TACC1: variants seen among roughly 807,000 people sequenced by gnomAD.
TACC1 encodes the protein transforming acidic coiled-coil containing protein 1.
TACC1 carries 48 observed loss-of-function variants against 84.4 expected under a neutral mutation model. That is an observed-to-expected ratio of 0.57 (90% CI 0.45 to 0.72). The LOEUF is 0.72. Among genes scored for constraint, TACC1 ranks in the 30% least tolerant of loss-of-function variants. The probability of loss-of-function intolerance (pLI) is 0.00; values close to 1 mark genes in which losing one functional copy is unlikely to be tolerated. For missense variants in TACC1, 920 were observed against 973.0 expected (o/e 0.95, Z 0.72); for synonymous variants, 372 against 376.3 (o/e 0.99, Z 0.13).
chr8:38,758,238 C>A (rs1459096804), intron 3 of TACC1, among the ~76,000 whole-genome samples: 1 of 152,108 alleles, frequency 6.6e-6, no homozygotes, highest in Admixed American at 6.6e-5. Flanking sequence ...TACACTTAAC[C>A]ATCACAAAAG....
intron 2 of TACC1, among the ~76,000 whole-genome samples, chr8:38,806,398 C>G (rs990926617): frequency 6.6e-6 from 1 of 151,922 alleles, no homozygotes; most frequent in Non-Finnish European, 1.5e-5. Flanking sequence ...GAAGATAGCT[C>G]TAGAATTAAT....
rs145343515 is a variant in TACC1, at chr8:38,779,466, G to A, written c.27-9238G>A. Among the ~76,000 whole-genome samples, 127 of 152,304 alleles carry A rather than the reference G, an allele frequency of 8.3e-4. 1 individual carries two copies. The highest frequency in any genetic ancestry group is 2.8e-3 in the African/African-American group (118 of 41,568). On this transcript the variant is annotated intron_variant, in intron 3 of 14. Coordinates refer to the TACC1 transcript ENST00000518415. ...GTGAGCACTGCTAGGCCTGCTCTCC[G>A]CCCTTTTCCACCCTCCGGGTGTCTT...
At chr8:38,757,243 C>CAACAA in intron 3 of TACC1, 1 of 616,454 alleles carries the variant, frequency 1.6e-6, no homozygotes, top group Non-Finnish European at 2.2e-6. Context: ...CACCCTTCCT[C>CAACAA]CCGCCCCACC....
intron 6 of TACC1, among the ~76,000 whole-genome samples, chr8:38,834,336 C>G (rs1829819374): frequency 6.6e-6 from 1 of 152,200 alleles, no homozygotes. Flanking sequence ...ACATGGAAGT[C>G]AGAGTTTGTT....
chr8:38,794,620 CAG>C (rs1819555555), intron 2 of TACC1, among the ~76,000 whole-genome samples: 1 of 152,036 alleles, frequency 6.6e-6, no homozygotes. Flanking sequence ...TTGTTAAAAT[CAG>C]AGGCTTTGAT....
chr8:38,836,856 G>A (rs570660291), intron 7 of TACC1, among the ~76,000 whole-genome samples: 1 of 152,234 alleles, frequency 6.6e-6, no homozygotes, highest in South Asian at 2.1e-4. Flanking sequence ...GCTGTATTTT[G>A]TGTGTTTGTT....
intron 8 of TACC1, 33 bp from the exon 9 acceptor site, chr8:38,840,191 C>A (rs536107465): frequency 3.2e-5 from 49 of 1,554,766 alleles, no homozygotes; most frequent in Middle Eastern, 3.4e-4. Flanking sequence ...TGAAAATCCT[C>A]CTCTGGTAAT....
At chr8:38,843,895 T>C (rs1011086101) in intron 11 of TACC1, among the ~76,000 whole-genome samples, 1 of 152,174 alleles carries the variant, frequency 6.6e-6, no homozygotes, top group East Asian at 1.9e-4. Flanking sequence ...TAGGTGATCG[T>C]TTTGCATGCC....
exon 3 of TACC1, chr8:38,745,309 G>A: frequency 5.7e-6 from 3 of 526,880 alleles, no homozygotes; most frequent in South Asian, 5.2e-5. Flanking sequence ...CAAAACAAAG[G>A]AAAAACAACA....
intron 3 of TACC1, 95 bp from the exon 4 acceptor site, chr8:38,825,213 T>C (rs1827767065): frequency 3.0e-6 from 4 of 1,342,384 alleles, no homozygotes; most frequent in South Asian, 1.2e-5. Context: ...ATGCTTTGGC[T>C]TCTATCCGCA....
chr8:38,731,071 G>A (rs1804835289), intron 1 of TACC1, among the ~76,000 whole-genome samples: 1 of 152,092 alleles, frequency 6.6e-6, no homozygotes, highest in South Asian at 2.1e-4. Context: ...GAAACTACAG[G>A]CATGCACCAC....
intron 2 of TACC1, among the ~76,000 whole-genome samples, chr8:38,814,149 C>A (rs1291734884): frequency 1.3e-5 from 2 of 152,094 alleles, no homozygotes; most frequent in African/African-American, 2.4e-5. Flanking sequence ...CTAAGTAGAA[C>A]AAGGGTCTAC....
chr8:38,773,273 C>G (rs534187138), intron 3 of TACC1, among the ~76,000 whole-genome samples: 1 of 151,398 alleles, frequency 6.6e-6, no homozygotes, highest in Non-Finnish European at 1.5e-5. Context: ...TGTGGCGAGC[C>G]GAGATCATGC....
chr8:38,747,684 G>A (rs1808321290), intron 3 of TACC1, among the ~76,000 whole-genome samples: 2 of 152,194 alleles, frequency 1.3e-5, no homozygotes, highest in South Asian at 2.1e-4. Flanking sequence ...TAGTTGCCAA[G>A]GGTTGGGCAG....
At chr8:38,753,277 A>T (rs926255122) in intron 3 of TACC1, among the ~76,000 whole-genome samples, 9 of 151,840 alleles carry the variant, frequency 5.9e-5, no homozygotes, top group Middle Eastern at 3.4e-3. Flanking sequence ...TTTATTTTTT[A>T]TTTTTTGTAG....
intron 1 of TACC1, among the ~76,000 whole-genome samples, chr8:38,734,496 T>C (rs1805577558): frequency 6.6e-6 from 1 of 152,078 alleles, no homozygotes; most frequent in Non-Finnish European, 1.5e-5. Flanking sequence ...CGCCTGGCCA[T>C]AAGCCTGTGT....
rs149836170 is a variant in TACC1, at chr8:38,820,168, G to T, written c.924G>T (p.Glu308Asp). The T allele has an allele frequency of 4.0e-5, 65 of 1,614,176 alleles. No homozygotes were observed. The East Asian group carries it at 1.4e-3, about 35-fold the overall frequency. ...LSSDTNDSGV[E>D]LGEESRSSPL... Reference sequence around the variant, plus strand: ...GTGACACCAACGACTCAGGGGTTGAGCTGGGGGAGGAGTCGAGGAGCTCAC... The same window carrying T: ...GTGACACCAACGACTCAGGGGTTGATCTGGGGGAGGAGTCGAGGAGCTCAC... The change falls in exon 3 of 13, where the codon GAG becomes GAT. Residue 308 changes from glutamate (E) to aspartate (D), a missense_variant. Around this residue, in one of 2 missense-constraint regions of TACC1, gnomAD observed 762 missense variants for 747.3 expected, o/e 1.02. Transcript: ENST00000317827.
chr8:38,795,421 G>C lies in TACC1; in HGVS notation c.277+6602G>C, dbSNP rs112169381. ...GAATAAAGCAGTAGAACTTACTTTG[G>C]TACTTGCGGGTGGCAGAGACACTTT... On this transcript the variant is annotated intron_variant, in intron 2 of 12. Transcript: ENST00000317827. 2.7e-3 allele frequency among the ~76,000 whole-genome samples: 412 copies of C among 152,322 alleles called. 8 individuals are homozygous for C. Among genetic ancestry groups the C allele is most frequent in the African/African-American group, 9.1e-3 (378 of 41,564 alleles).
upstream of TACC1, among the ~76,000 whole-genome samples, chr8:38,783,211 C>T (rs116651681): frequency 0.03 from 4,481 of 150,654 alleles, 217 homozygotes; most frequent in African/African-American, 0.1. Context: ...GACCTGTGAC[C>T]TAGGTTGAAT....
Sources: allele counts gnomAD v4.1 joint callset (sites outside exome capture counted in the v4.1 genomes callset), GRCh38; gene constraint gnomAD v4.1.1; regional missense constraint gnomAD v4.1.1; transcripts MANE v1.5; gene names NCBI Gene and HGNC (gene_info 2026-07-23, HGNC 2026-07-21).